Variants in LPCAT2 observed in about 807,000 individuals in gnomAD.
The protein encoded by LPCAT2 is 1-AGP acyltransferase 11.
Under a neutral mutation model 64.7 loss-of-function variants are expected in LPCAT2, and 58 were observed. The ratio of observed to expected loss-of-function variants is 0.90; its 90% confidence interval spans 0.73 to 1.12. The LOEUF (loss-of-function observed/expected upper bound fraction) is 1.12, where lower values mean the gene tolerates loss of function less well. Ranked by LOEUF, LPCAT2 falls within the 50% of genes most tolerant of loss-of-function variation. The pLI, the probability that LPCAT2 is intolerant of heterozygous loss-of-function variation, is 0.00. For synonymous variants in LPCAT2, 252 were observed against 245.3 expected, an observed-to-expected ratio of 1.03 and a Z score of -0.26; for missense variants, 579 against 669.8, an observed-to-expected ratio of 0.86 and a Z score of 1.50.
chr16:55,566,641 G>A, intron 11 of LPCAT2: 4 of 1,093,122 alleles, frequency 3.7e-6, no homozygotes, highest in South Asian at 1.6e-5. Context: ...GCGTGGTGCA[G>A]TGTAAGCAGG....
chr16:55,510,350 C>G (rs1410470126), intron 1 of LPCAT2, among the ~76,000 whole-genome samples: 3 of 148,252 alleles, frequency 2.0e-5, no homozygotes, highest in African/African-American at 5.0e-5. Context: ...TTCCTTTTAC[C>G]ATTGGCAGTT....
intron 11 of LPCAT2, among the ~76,000 whole-genome samples, chr16:55,562,931 C>A (rs1963652385): frequency 6.6e-6 from 1 of 151,730 alleles, no homozygotes; most frequent in African/African-American, 2.4e-5. Context: ...ATTATCCAGG[C>A]TACCTGTTAC....
Position 55,532,810 on chromosome 16 carries a change from CA to C in LPCAT2, c.704-12del, listed in dbSNP as rs1963271776. The C allele has an allele frequency of 6.3e-7, 1 of 1,599,722 alleles. No individual in the cohort carries two copies. The highest frequency in any genetic ancestry group is 8.6e-7 in the Non-Finnish European group (1 of 1,167,814). On this transcript the variant is annotated splice_polypyrimidine_tract_variant and intron_variant, in intron 5 of 13. Coordinates refer to ENST00000262134, the MANE Select transcript of LPCAT2 (RefSeq NM_017839.5). ...CACATAAAAACACATTATAAACTTT[CA>C]ATGTGGTTGCAGGAGCCTTCATTCC...
rs760342110 is a variant in LPCAT2, at chr16:55,531,894, T to A, written c.643-20T>A. On this transcript the variant is annotated intron_variant, in intron 4 of 13. Coordinates refer to ENST00000262134, the MANE Select transcript of LPCAT2 (RefSeq NM_017839.5). The stretch of plus-strand genomic sequence containing the variant: ...TTATTAATTAGATTGAAATATTAAA[T>A]CTATTCCTTTTTTCCCAAGATACTA... 1.8e-5 allele frequency: 26 copies of A among 1,459,430 alleles called. No individual in the cohort carries two copies. The highest frequency in any genetic ancestry group is 2.3e-5 in the Non-Finnish European group (24 of 1,041,538). 90.4% of individuals were successfully genotyped at this position (1,459,430 alleles called of 1,614,324 possible). A position where few individuals can be genotyped will look rare whatever the true frequency, so the allele number is the denominator to read the frequency against.
Position 55,509,991 on chromosome 16 carries a change from C to CTTTTTTTTTTTTTTT in LPCAT2, c.171+642_171+656dup, listed in dbSNP as rs57496150. ...TACGGGAGAGTAGATTTGAAGAAGT[C>CTTTTTTTTTTTTTTT]TTTTTTTTTTTTTTTTTGCCTTAGG... is the stretch of plus-strand genomic sequence containing the variant. On this transcript the variant is annotated intron_variant, in intron 1 of 13. Coordinates refer to ENST00000262134, the MANE Select transcript of LPCAT2 (RefSeq NM_017839.5). 2.9e-3 allele frequency among the ~76,000 whole-genome samples: 298 copies of CTTTTTTTTTTTTTTT among 102,498 alleles called. 22 individuals are homozygous for CTTTTTTTTTTTTTTT. Among genetic ancestry groups the CTTTTTTTTTTTTTTT allele is most frequent in the African/African-American group, 6.8e-3 (185 of 27,188 alleles). The allele number at this position is 102,498 out of a possible 152,430, so 67.2% of individuals were successfully genotyped here.
intron 1 of LPCAT2, among the ~76,000 whole-genome samples, chr16:55,520,408 A>G (rs1963078747): frequency 6.6e-6 from 1 of 152,090 alleles, no homozygotes; most frequent in Non-Finnish European, 1.5e-5. Context: ...AAACAAAGAA[A>G]TAAATAAAAC....
intron 8 of LPCAT2, chr16:55,540,781 G>A: frequency 9.8e-6 from 2 of 204,492 alleles, no homozygotes; most frequent in Admixed American, 4.7e-5. Context: ...GCCTGAAACT[G>A]CAAGAAATAC....
chr16:55,574,610 A>G (rs376573473), intron 11 of LPCAT2, 21 bp from the exon 12 acceptor site: 12 of 1,560,448 alleles, frequency 7.7e-6, no homozygotes, highest in Non-Finnish European at 1.1e-5. Context: ...CTCCTAATTG[A>G]TTTATCCCAT....
chr16:55,527,705 T>C (rs1963191270), intron 2 of LPCAT2, among the ~76,000 whole-genome samples: 1 of 152,168 alleles, frequency 6.6e-6, no homozygotes, highest in African/African-American at 2.4e-5. Flanking sequence ...AATGGCAGAA[T>C]CTTTTTTAAA....
At chr16:55,531,498 A>G (rs548207100) in intron 4 of LPCAT2, among the ~76,000 whole-genome samples, 13 of 152,286 alleles carry the variant, frequency 8.5e-5, no homozygotes, top group African/African-American at 3.1e-4. Flanking sequence ...ACATGCCTGA[A>G]CTATATGTTG....
chr16:55,515,233 A>G (rs1596844806), intron 1 of LPCAT2, among the ~76,000 whole-genome samples: 1 of 115,264 alleles, frequency 8.7e-6, no homozygotes. Flanking sequence ...AATAAACTCA[A>G]AGATACCTAT....
chr16:55,532,111 T>C (rs1963262185), intron 5 of LPCAT2, 137 bp downstream of exon 5: 1 of 626,992 alleles, frequency 1.6e-6, no homozygotes, highest in South Asian at 1.9e-5. Context: ...TTTAACGTTG[T>C]GGATCCACAG....
At chr16:55,556,621 C>T (rs142431281) in intron 11 of LPCAT2, among the ~76,000 whole-genome samples, 4,189 of 151,898 alleles carry the variant, frequency 0.028, 88 homozygotes, top group East Asian at 0.12. Context: ...ACTAAAAATA[C>T]AAAAAAAATT....
At chr16:55,567,162 A>G in intron 11 of LPCAT2, 3 of 1,613,914 alleles carry the variant, frequency 1.9e-6, no homozygotes, top group Non-Finnish European at 2.5e-6. Flanking sequence ...CAGTGACACG[A>G]CTGGTAAGCT....
intron 1 of LPCAT2, among the ~76,000 whole-genome samples, chr16:55,523,232 G>A (rs1322426687): frequency 6.6e-6 from 1 of 151,644 alleles, no homozygotes; most frequent in African/African-American, 2.4e-5. Flanking sequence ...AGGAAATGTG[G>A]ATCAAAGCCA....
Position 55,525,570 on chromosome 16 carries a change from A to G in LPCAT2, c.234A>G (p.Leu78=), listed in dbSNP as rs1393270257. ...IRVLLVALIL[L]LAWPFAAIST... ...TCTTATTGGTTGCGTTAATTTTATT[A>G]CTTGCATGGCCATTTGCTGCAATTT... is the stretch of plus-strand genomic sequence containing the variant. Residue 78 remains leucine, a synonymous_variant, in exon 2 of 14, where the codon TTA becomes TTG. Transcript: ENST00000262134. 1 of 1,612,076 alleles carries G rather than the reference A, an allele frequency of 6.2e-7. No homozygotes were observed. The highest frequency in any genetic ancestry group is 1.3e-5 in the African/African-American group (1 of 74,768).
chr16:55,516,555 A>G (rs1410050813), intron 1 of LPCAT2, among the ~76,000 whole-genome samples: 2 of 152,258 alleles, frequency 1.3e-5, no homozygotes, highest in East Asian at 3.9e-4. Context: ...GTTGCTAAAG[A>G]AAGACATTTA....
In LPCAT2 at chr16:55,545,834, G is replaced by A; in HGVS notation, c.935+17G>A. On this transcript the variant is annotated intron_variant, in intron 9 of 13. Transcript: ENST00000262134. ...AATGGCAGAGTAAGTGTCTATATTT[G>A]ATTATAACTCATAAATAATTTGAAA... 6.5e-7 allele frequency: 1 copy of A among 1,545,582 alleles called. No individual in the cohort carries two copies. The highest frequency in any genetic ancestry group is 2.2e-5 in the East Asian group (1 of 44,464).
chr16:55,534,478 G>T lies in LPCAT2; in HGVS notation c.797+1G>T. 6.9e-7 allele frequency: 1 copy of T among 1,453,464 alleles called. No individual in the cohort carries two copies. Among genetic ancestry groups the T allele is most frequent in the East Asian group, 2.4e-5 (1 of 41,686 alleles). The allele number at this position is 1,453,464 out of a possible 1,614,324, so 90.0% of individuals were successfully genotyped here. ...CCTGGACATGGCAAGGATATACATT[G>T]TAAGTCACTTATGTCTATTATTAGT... On this transcript the variant is annotated splice_donor_variant, in intron 7 of 13. Coordinates refer to ENST00000262134, the MANE Select transcript of LPCAT2 (RefSeq NM_017839.5). LOFTEE classifies it high-confidence loss of function.
Sources: gnomAD v4.1 joint callset for allele counts (sites outside exome capture counted in the v4.1 genomes callset) on GRCh38, gnomAD v4.1.1 for gene constraint, MANE v1.5 for transcripts, NCBI Gene and HGNC (gene_info 2026-07-23, HGNC 2026-07-21) for gene names.